Variants in VEPH1 observed in about 807,000 individuals in gnomAD.
VEPH1 encodes the protein ventricular zone expressed PH domain containing 1, also known as ventricular zone-expressed PH domain-containing protein homolog 1.
In VEPH1, 80 loss-of-function variants were observed where a neutral mutation model predicts 85.2. The ratio of observed to expected loss-of-function variants is 0.94; its 90% confidence interval spans 0.78 to 1.13. VEPH1 has a LOEUF of 1.13. VEPH1 is among the 50% of genes most tolerant of loss of function. The pLI is 0.00. For synonymous variants in VEPH1, 297 were observed against 348.0 expected (o/e 0.85, Z 1.63); for missense variants, 955 against 980.5 (o/e 0.97, Z 0.35).
Position 157,313,125 on chromosome 3 carries a change from C to T in VEPH1, c.2010+496G>A, listed in dbSNP as rs546605368. On this transcript the variant is annotated intron_variant, in intron 11 of 13. Coordinates refer to ENST00000362010, the MANE Select transcript of VEPH1 (RefSeq NM_001167912.2). ...TTCACCGTGTTAGCCAGGATGCTCT[C>T]GATCTCCTGACCTCGTGATCCGCCC... is the stretch of plus-strand genomic sequence containing the variant. Among the ~76,000 whole-genome samples, 531 of 151,694 alleles carry T rather than the reference C, an allele frequency of 3.5e-3. 3 individuals carry two copies. Among genetic ancestry groups the T allele is most frequent in the African/African-American group, 0.012 (508 of 41,358 alleles).
intron 12 of VEPH1, among the ~76,000 whole-genome samples, chr3:157,269,826 C>T (rs965373649): frequency 2.6e-5 from 4 of 151,910 alleles, no homozygotes; most frequent in Non-Finnish European, 5.9e-5. Context: ...TGAAAAATAA[C>T]ATGTGGAATG....
At chr3:157,281,399 GA>G (rs1408532604) in intron 12 of VEPH1, among the ~76,000 whole-genome samples, 2 of 152,154 alleles carry the variant, frequency 1.3e-5, no homozygotes, top group East Asian at 3.8e-4. Context: ...GTGAAAATGT[GA>G]AGTTATTGTA....
At chr3:157,315,077 A>G (rs1400869671) in intron 10 of VEPH1, among the ~76,000 whole-genome samples, 1 of 152,120 alleles carries the variant, frequency 6.6e-6, no homozygotes, top group Non-Finnish European at 1.5e-5. Context: ...TGTATAATGT[A>G]TAATAAAATA....
In VEPH1 at chr3:157,284,506, G is replaced by A. The variant is rs917067484; in HGVS notation, c.2128+2051C>T. Among the ~76,000 whole-genome samples, 34 of 152,066 alleles carry A rather than the reference G, an allele frequency of 2.2e-4. 1 individual carries two copies. The highest frequency in any genetic ancestry group is 8.0e-4 in the African/African-American group (33 of 41,410). On this transcript the variant is annotated intron_variant, in intron 12 of 13. Transcript: ENST00000362010. Reference sequence around the variant, plus strand: ...TCTCATCTTTAAACTTTGAATTTAAGCAGAACTTGAATGCAAATACTGTCT... The same window carrying A: ...TCTCATCTTTAAACTTTGAATTTAAACAGAACTTGAATGCAAATACTGTCT...
At chr3:157,436,338 G>C (rs1162121432) in intron 4 of VEPH1, among the ~76,000 whole-genome samples, 1 of 152,060 alleles carries the variant, frequency 6.6e-6, no homozygotes, top group Non-Finnish European at 1.5e-5. Context: ...AGACAAGATA[G>C]CTCGGATTGG....
chr3:157,324,667 G>GT (rs869154248), intron 9 of VEPH1, among the ~76,000 whole-genome samples: 2,587 of 139,950 alleles, frequency 0.018, 49 homozygotes, highest in African/African-American at 0.05. Context: ...ACATGATCTT[G>GT]TTTTTTTTTT....
chr3:157,283,365 G>A (rs943815025), intron 12 of VEPH1, among the ~76,000 whole-genome samples: 6 of 152,164 alleles, frequency 3.9e-5, no homozygotes, highest in Non-Finnish European at 8.8e-5. Context: ...ATAATGGTGA[G>A]AAAATGAGAA....
chr3:157,290,763 A>G (rs189427245), intron 11 of VEPH1, among the ~76,000 whole-genome samples: 1 of 152,234 alleles, frequency 6.6e-6, no homozygotes, highest in Non-Finnish European at 1.5e-5. Context: ...TCACTGGAGG[A>G]AAAAATAGTA....
chr3:157,404,231 T>G (rs1008452807), intron 6 of VEPH1, among the ~76,000 whole-genome samples: 1 of 152,072 alleles, frequency 6.6e-6, no homozygotes, highest in Non-Finnish European at 1.5e-5. Flanking sequence ...AGCTAATTAC[T>G]TGAGGGGGGG....
chr3:157,485,264 A>G (rs1286051059), intron 2 of VEPH1, among the ~76,000 whole-genome samples: 3 of 152,198 alleles, frequency 2.0e-5, no homozygotes, highest in Admixed American at 2.0e-4. Context: ...ACAACAAGGT[A>G]TCTAATTCAG....
intron 4 of VEPH1, among the ~76,000 whole-genome samples, chr3:157,450,112 G>C (rs1734853794): frequency 7.4e-6 from 1 of 134,368 alleles, no homozygotes; most frequent in African/African-American, 2.8e-5. Context: ...CTGGAGTGCA[G>C]TGGCACAATT....
chr3:157,495,594 GAA>G lies in VEPH1; in HGVS notation c.-157-90_-157-89del, dbSNP rs900799575. ...ACTCAGTGTCCAGCGGAGAGAGAGA[GAA>G]AAAAGAAACTTGGAAACATGTGCCT... is the stretch of plus-strand genomic sequence containing the variant. On this transcript the variant is annotated intron_variant, in intron 1 of 13. Coordinates refer to ENST00000362010, the MANE Select transcript of VEPH1 (RefSeq NM_001167912.2). The G allele has an allele frequency of 1.2e-5, 9 of 758,626 alleles. No individual in the cohort carries two copies. The Admixed American group carries it at 3.6e-4, about 30-fold the overall frequency. 47.0% of individuals were successfully genotyped at this position (758,626 alleles called of 1,614,324 possible).
chr3:157,406,893 CTAAAG>C (rs757130004), intron 6 of VEPH1, among the ~76,000 whole-genome samples: 2 of 151,398 alleles, frequency 1.3e-5, no homozygotes, highest in Non-Finnish European at 2.9e-5. Flanking sequence ...AGACCAGACC[CTAAAG>C]TAAAGTAAAG....
At chr3:157,378,338 A>G (rs1213017957) in intron 7 of VEPH1, among the ~76,000 whole-genome samples, 8 of 56,350 alleles carry the variant, frequency 1.4e-4, no homozygotes, top group African/African-American at 4.2e-4. Flanking sequence ...ATATATATAT[A>G]TATATATATA....
chr3:157,374,742 T>G (rs915336547), intron 7 of VEPH1, among the ~76,000 whole-genome samples: 2 of 151,884 alleles, frequency 1.3e-5, no homozygotes, highest in African/African-American at 4.8e-5. Context: ...CAAACTGGAG[T>G]CTTGGTTCTG....
chr3:157,312,312 G>A (rs1720196011), intron 11 of VEPH1, among the ~76,000 whole-genome samples: 1 of 152,160 alleles, frequency 6.6e-6, no homozygotes, highest in Non-Finnish European at 1.5e-5. Context: ...AAAGAGAGAA[G>A]CTGATAATAT....
At chr3:157,485,033 T>G (rs545545347) in intron 2 of VEPH1, among the ~76,000 whole-genome samples, 2 of 152,182 alleles carry the variant, frequency 1.3e-5, no homozygotes, top group African/African-American at 4.8e-5. Flanking sequence ...AAAACTATAT[T>G]CTTTTTTAGG....
intron 6 of VEPH1, among the ~76,000 whole-genome samples, chr3:157,392,285 C>A (rs1021116748): frequency 2.0e-5 from 3 of 152,160 alleles, no homozygotes; most frequent in Non-Finnish European, 4.4e-5. Context: ...GCAGAAGGAG[C>A]AAGTCATGTC....
chr3:157,392,458 T>C (rs928469681), intron 6 of VEPH1, among the ~76,000 whole-genome samples: 1 of 152,096 alleles, frequency 6.6e-6, no homozygotes, highest in African/African-American at 2.4e-5. Context: ...CCACCACATG[T>C]GGGAATTCAA....
Sources: gnomAD v4.1 joint callset for allele counts (sites outside exome capture counted in the v4.1 genomes callset) on GRCh38, gnomAD v4.1.1 for gene constraint, MANE v1.5 for transcripts, NCBI Gene and HGNC (gene_info 2026-07-23, HGNC 2026-07-21) for gene names.